Variants in ARID1B observed in about 807,000 individuals in gnomAD.
ARID1B encodes the protein AT-rich interaction domain 1B.
A neutral mutation model predicts 212.3 loss-of-function variants in ARID1B; 30 were observed. That is an observed-to-expected ratio of 0.14 (90% CI 0.11 to 0.19). The LOEUF is 0.19. Ranked by LOEUF, ARID1B falls within the 10% of genes least tolerant of loss-of-function variation. The pLI, the probability that ARID1B is intolerant of heterozygous loss-of-function variation, is 1.00. For synonymous variants in ARID1B, 1,402 were observed against 1,301.7 expected (o/e 1.08, Z -1.66); for missense variants, 2,891 against 3,204.0 (o/e 0.90, Z 2.36).
At chr6:156,884,355 A>AT (rs754441575) in intron 2 of ARID1B, among the ~76,000 whole-genome samples, 1 of 151,258 alleles carries the variant, frequency 6.6e-6, no homozygotes, top group African/African-American at 2.4e-5. Flanking sequence ...GATAAAGTAG[A>AT]TTTAGAACAT....
chr6:157,156,522 C>T (rs567546529), intron 8 of ARID1B, among the ~76,000 whole-genome samples: 6 of 152,182 alleles, frequency 3.9e-5, no homozygotes, highest in Non-Finnish European at 5.9e-5. Flanking sequence ...TAGTAAAACA[C>T]TAATTCTAAA....
chr6:157,187,260 G>T (rs982432448), intron 13 of ARID1B, among the ~76,000 whole-genome samples: 8 of 152,174 alleles, frequency 5.3e-5, no homozygotes, highest in Admixed American at 2.6e-4. Flanking sequence ...CAGGGGTGGG[G>T]CATGGAGCTC....
At chr6:156,852,225 A>G (rs1784624331) in intron 2 of ARID1B, among the ~76,000 whole-genome samples, 1 of 152,042 alleles carries the variant, frequency 6.6e-6, no homozygotes, top group Admixed American at 6.6e-5. Flanking sequence ...AGGTGGGAGG[A>G]TTGCCTGAGG....
intron 1 of ARID1B, among the ~76,000 whole-genome samples, chr6:156,790,450 A>G (rs749814596): frequency 8.5e-5 from 13 of 152,242 alleles, no homozygotes; most frequent in Non-Finnish European, 1.6e-4. Context: ...TTAGAAATAC[A>G]GACAATAACT....
At chr6:156,934,041 T>G (rs1300257502) in intron 3 of ARID1B, among the ~76,000 whole-genome samples, 2 of 152,218 alleles carry the variant, frequency 1.3e-5, no homozygotes, top group Admixed American at 1.3e-4. Context: ...TAATAAACAT[T>G]AATTTTTAAA....
At chr6:157,191,532 A>T (rs1416930748) in intron 15 of ARID1B, among the ~76,000 whole-genome samples, 1 of 152,078 alleles carries the variant, frequency 6.6e-6, no homozygotes, top group African/African-American at 2.4e-5. Flanking sequence ...TGAGACAGAG[A>T]GTGCAGAAGT....
At chr6:156,799,444 A>AT (rs1239462032) in intron 1 of ARID1B, among the ~76,000 whole-genome samples, 6 of 152,052 alleles carry the variant, frequency 3.9e-5, no homozygotes, top group South Asian at 2.1e-4. Flanking sequence ...GTTATGATAG[A>AT]TTTTTTTTAT....
At chr6:156,882,973 G>A (rs1169919913) in intron 2 of ARID1B, among the ~76,000 whole-genome samples, 1 of 152,184 alleles carries the variant, frequency 6.6e-6, no homozygotes, top group South Asian at 2.1e-4. Flanking sequence ...AATCTTACAC[G>A]GGGAACCCGA....
Position 156,778,922 on chromosome 6 carries a change from A to T in ARID1B, c.1242A>T (p.Ala414=). 1 of 1,317,726 alleles carries T rather than the reference A, an allele frequency of 7.6e-7. No homozygotes were observed. Among genetic ancestry groups the T allele is most frequent in the Non-Finnish European group, 9.6e-7 (1 of 1,040,350 alleles). The allele number at this position is 1,317,726 out of a possible 1,614,324, so 81.6% of individuals were successfully genotyped here. ...GAGGAGGAGGAGGAGGAGCAGGAGCAGGAGGAGCAGGAGCGGGAGCTGTGG... is the reference window on the plus strand; with the variant it reads ...GAGGAGGAGGAGGAGGAGCAGGAGCTGGAGGAGCAGGAGCGGGAGCTGTGG... ...GGGGGGGGAG[A]GGAGAGAVAA... Residue 414 remains alanine, a synonymous_variant, in exon 1 of 20, where the codon GCA becomes GCT. Transcript: ENST00000636930.
At position 157,207,522 on chromosome 6, in the gene ARID1B, T is replaced by C. The variant is rs1554238070; in HGVS notation, c.6750T>C (p.Cys2250=). 1 of 1,614,014 alleles carries C rather than the reference T, an allele frequency of 6.2e-7. No homozygotes were observed. The highest frequency in any genetic ancestry group is 8.5e-7 in the Non-Finnish European group (1 of 1,180,048). ...TTGGGGATCGCAAAAACCCAGTCTG[T>C]CGAGAAATGTCCATGGCGCTTTTAT... The part of the protein sequence containing the change: ...RYVGDRKNPV[C]REMSMALLSN... Residue 2250 remains cysteine (C), a synonymous_variant, in exon 20 of 20, where the codon TGT becomes TGC. Coordinates refer to ENST00000636930, the MANE Select transcript of ARID1B (RefSeq NM_001374828.1). The surrounding 1 kb of genome is among the most constrained non-coding windows in gnomAD (Gnocchi z 8.5).
chr6:156,939,984 T>C (rs766213952), intron 4 of ARID1B: 10 of 152,228 alleles, frequency 6.6e-5, no homozygotes, highest in Non-Finnish European at 1.5e-4. Context: ...TAAAACACTA[T>C]ATAAGCACTT....
intron 2 of ARID1B, among the ~76,000 whole-genome samples, chr6:156,898,075 C>T (rs551285150): frequency 5.3e-4 from 81 of 152,046 alleles, no homozygotes; most frequent in Non-Finnish European, 9.9e-4. Context: ...GGTCAAGGCA[C>T]GAGAGTGACC....
At chr6:157,093,998 A>G (rs1381065543) in intron 5 of ARID1B, among the ~76,000 whole-genome samples, 1 of 152,242 alleles carries the variant, frequency 6.6e-6, no homozygotes, top group Non-Finnish European at 1.5e-5. Context: ...GACAGGAAAT[A>G]CATAAATAAC....
chr6:157,038,776 C>T (rs1227148562), intron 4 of ARID1B, among the ~76,000 whole-genome samples: 5 of 152,124 alleles, frequency 3.3e-5, no homozygotes, highest in Non-Finnish European at 5.9e-5. Flanking sequence ...TTTCATAATC[C>T]TTCATACTTA....
At chr6:156,823,192 T>C (rs190148775) in intron 1 of ARID1B, among the ~76,000 whole-genome samples, 1 of 152,310 alleles carries the variant, frequency 6.6e-6, no homozygotes, top group East Asian at 1.9e-4. Flanking sequence ...ATGGATTCTT[T>C]ACTTTTGCAC....
At chr6:156,948,403 G>A (rs759774610) in intron 4 of ARID1B, among the ~76,000 whole-genome samples, 18 of 152,024 alleles carry the variant, frequency 1.2e-4, no homozygotes, top group Non-Finnish European at 2.2e-4. Context: ...TATAGAGATG[G>A]GGGGGCAGTG....
intron 5 of ARID1B, among the ~76,000 whole-genome samples, chr6:157,090,884 TCC>T (rs898405370): frequency 1.3e-5 from 2 of 152,024 alleles, no homozygotes; most frequent in African/African-American, 4.8e-5. Flanking sequence ...CCTCCCCTTC[TCC>T]CTCTCCAGCC....
chr6:157,143,139 A>G (rs1188913315), intron 7 of ARID1B, among the ~76,000 whole-genome samples: 4 of 152,114 alleles, frequency 2.6e-5, no homozygotes, highest in Admixed American at 2.6e-4. Context: ...TCATTTGGTG[A>G]CCAATTTTCC....
chr6:156,811,064 T>C (rs1781522864), intron 1 of ARID1B, among the ~76,000 whole-genome samples: 1 of 152,096 alleles, frequency 6.6e-6, no homozygotes, highest in African/African-American at 2.4e-5. Context: ...CAGAATTTAT[T>C]TCCTGGTGGC....
Sources: gnomAD v4.1 joint callset for allele counts (sites outside exome capture counted in the v4.1 genomes callset) on GRCh38, gnomAD v4.1.1 for gene constraint, Gnocchi (gnomAD v3.1) non-coding constraint, MANE v1.5 for transcripts, NCBI Gene and HGNC (gene_info 2026-07-23, HGNC 2026-07-21) for gene names.